UBE4B: variants seen among roughly 807,000 people sequenced by gnomAD.
UBE4B encodes the protein ubiquitin conjugation factor E4 B.
In UBE4B, 27 loss-of-function variants were observed where a neutral mutation model predicts 148.1. The observed-to-expected ratio is 0.18, with a 90% CI of 0.13 to 0.25. The LOEUF (loss-of-function observed/expected upper bound fraction) is 0.25, where lower values mean the gene tolerates loss of function less well. UBE4B is among the 10% of genes least tolerant of loss of function. The pLI is 1.00. For missense variants in UBE4B, 1,170 were observed against 1,662.4 expected (o/e 0.70, Z 5.15); for synonymous variants, 596 against 619.3 (o/e 0.96, Z 0.56).
chr1:10,035,105 TCTC>T (rs1459424128), intron 1 of UBE4B, among the ~76,000 whole-genome samples: 1 of 151,684 alleles, frequency 6.6e-6, no homozygotes, highest in East Asian at 1.9e-4. Flanking sequence ...TTCACACCAT[TCTC>T]CTGCCTCAGC....
rs112438859 is a variant in UBE4B, at chr1:10,175,607, C to T, written c.3526-3037C>T. On this transcript the variant is annotated intron_variant, in intron 25 of 27. Transcript: ENST00000343090. ...TGGAGCTTGCAGTGAGCCGAGATCGCGCCACTGCACTCCAGCCTGGGCGAC... is the reference window on the plus strand; with the variant it reads ...TGGAGCTTGCAGTGAGCCGAGATCGTGCCACTGCACTCCAGCCTGGGCGAC... Among the ~76,000 whole-genome samples the T allele has an allele frequency of 8.3e-3, 1,261 of 151,898 alleles. 11 individuals are homozygous for T. The highest frequency in any genetic ancestry group is 0.012 in the Non-Finnish European group (843 of 67,966).
chr1:10,105,802 G>C, intron 6 of UBE4B, 58 bp downstream of exon 6: 1 of 1,517,620 alleles, frequency 6.6e-7, no homozygotes, highest in Non-Finnish European at 9.0e-7. Flanking sequence ...GAACTACGTA[G>C]GAGAAGGGAA....
chr1:10,072,379 C>A (rs1644502657), intron 2 of UBE4B, 165 bp downstream of exon 2: 2 of 674,570 alleles, frequency 3.0e-6, no homozygotes, highest in African/African-American at 3.9e-5. Context: ...TGTGTTATCG[C>A]TTTTTTTTTT....
chr1:10,068,029 G>GTT (rs1204563688), intron 1 of UBE4B, among the ~76,000 whole-genome samples: 29 of 136,472 alleles, frequency 2.1e-4, no homozygotes, highest in East Asian at 6.4e-4. Flanking sequence ...TGCCTGGCCA[G>GTT]TTTTTTTTTT....
At chr1:10,062,974 AAAAG>A (rs762923493) in intron 1 of UBE4B, among the ~76,000 whole-genome samples, 2 of 151,958 alleles carry the variant, frequency 1.3e-5, no homozygotes, top group Middle Eastern at 3.4e-3. Flanking sequence ...AAAAAAAAGA[AAAAG>A]AAAATAGTGA....
intron 1 of UBE4B, among the ~76,000 whole-genome samples, chr1:10,053,466 AT>A (rs1644094614): frequency 7.4e-6 from 1 of 135,202 alleles, no homozygotes; most frequent in African/African-American, 2.8e-5. Context: ...TTTTTATTTA[AT>A]TTTTTTGAGA....
In UBE4B at chr1:10,106,532, C is replaced by T; in HGVS notation, c.1145C>T (p.Ala382Val). 1.9e-6 allele frequency: 3 copies of T among 1,603,864 alleles called. No homozygotes were observed. The highest frequency in any genetic ancestry group is 2.5e-6 in the Non-Finnish European group (3 of 1,177,052). ...PSSTGPPLPP[A>V]SPSATSRRPS... ...AGCACGGGTCCACCCCTACCACCCG[C>T]CTCACCCAGTGCCACGAGCAGACGC... is the stretch of plus-strand genomic sequence containing the variant. The change falls in exon 7 of 28, where the codon GCC becomes GTC. Residue 382 changes from alanine (A) to valine (V), a missense_variant. Coordinates refer to ENST00000343090, the MANE Select transcript of UBE4B (RefSeq NM_001105562.3). This position sits in a 1 kb window ranked among gnomAD's most constrained non-coding sequence, Gnocchi z 4.2.
At chr1:10,056,286 A>C (rs1644166554) in intron 1 of UBE4B, among the ~76,000 whole-genome samples, 1 of 152,214 alleles carries the variant, frequency 6.6e-6, no homozygotes, top group South Asian at 2.1e-4. Context: ...ATAAAGCAGA[A>C]CCCTACACAA....
chr1:10,163,662 C>T (rs768069488), intron 23 of UBE4B, among the ~76,000 whole-genome samples: 13 of 151,780 alleles, frequency 8.6e-5, no homozygotes, highest in Non-Finnish European at 1.5e-4. Flanking sequence ...AGTGAGACTC[C>T]GTCTCAAATA....
chr1:10,047,458 A>G (rs1388982808), intron 1 of UBE4B, among the ~76,000 whole-genome samples: 4 of 150,498 alleles, frequency 2.7e-5, no homozygotes, highest in African/African-American at 9.8e-5. Context: ...GTTCTATCCC[A>G]TAAGAGCATG....
At chr1:10,158,204 C>T (rs1350060335) in intron 21 of UBE4B, 152 bp from the exon 22 acceptor site, 1 of 858,598 alleles carries the variant, frequency 1.2e-6, no homozygotes, top group Non-Finnish European at 1.8e-6. Context: ...CTTATAATTT[C>T]TGTCGTGCCC....
chr1:10,159,851 A>C (rs1427562337), intron 22 of UBE4B, among the ~76,000 whole-genome samples: 1 of 152,244 alleles, frequency 6.6e-6, no homozygotes, highest in Non-Finnish European at 1.5e-5. Flanking sequence ...TCTGTGAAGC[A>C]AACTTTTTAA....
intron 7 of UBE4B, among the ~76,000 whole-genome samples, chr1:10,108,403 C>T (rs1352882776): frequency 2.6e-5 from 4 of 152,092 alleles, no homozygotes; most frequent in Admixed American, 1.3e-4. Flanking sequence ...AACATAGTTC[C>T]GGATGTTGCT....
chr1:10,043,664 G>A (rs78798966), intron 1 of UBE4B, among the ~76,000 whole-genome samples: 3 of 151,642 alleles, frequency 2.0e-5, no homozygotes, highest in Non-Finnish European at 4.4e-5. Context: ...TCCTGACCTC[G>A]TGATCCACCC....
intron 2 of UBE4B, among the ~76,000 whole-genome samples, chr1:10,076,939 G>A (rs559413976): frequency 6.6e-6 from 1 of 151,624 alleles, no homozygotes; most frequent in Admixed American, 6.6e-5. Context: ...TATAGACTGG[G>A]TTTCACCACG....
Position 10,130,458 on chromosome 1 carries a change from G to T in UBE4B, c.1696-42G>T, listed in dbSNP as rs181120386. The T allele has an allele frequency of 7.9e-6, 12 of 1,516,550 alleles. No individual in the cohort carries two copies. In the African/African-American group the frequency reaches 1.5e-4, roughly 19 times the overall value. 93.9% of individuals were successfully genotyped at this position (1,516,550 alleles called of 1,614,324 possible). A position where few individuals can be genotyped will look rare whatever the true frequency, so the allele number is the denominator to read the frequency against. ...TTTTCATTACATTTTTACCCCACCG[G>T]CCTGTTCAGCGGCTTGACTGGCTCT... On this transcript the variant is annotated intron_variant, in intron 12 of 27. Transcript: ENST00000343090.
intron 25 of UBE4B, among the ~76,000 whole-genome samples, chr1:10,175,650 C>CAAAT (rs950568771): frequency 9.5e-4 from 134 of 140,322 alleles, no homozygotes; most frequent in Non-Finnish European, 1.4e-3. Context: ...GACTCCGTCT[C>CAAAT]AAATAAATAA....
intron 1 of UBE4B, among the ~76,000 whole-genome samples, chr1:10,062,798 A>C (rs1644310866): frequency 6.6e-6 from 1 of 151,928 alleles, no homozygotes; most frequent in Admixed American, 6.6e-5. Context: ...CTTTACTAAA[A>C]ATACAAAATT....
chr1:10,092,349 C>T (rs1317453972), intron 2 of UBE4B, among the ~76,000 whole-genome samples: 1 of 152,058 alleles, frequency 6.6e-6, no homozygotes. Context: ...CTCAGATTCC[C>T]GAGTAGCTGG....
Sources: allele counts gnomAD v4.1 joint callset (sites outside exome capture counted in the v4.1 genomes callset), GRCh38; gene constraint gnomAD v4.1.1; non-coding constraint Gnocchi (gnomAD v3.1); transcripts MANE v1.5; gene names NCBI Gene and HGNC (gene_info 2026-07-23, HGNC 2026-07-21).